Variants in SLIT2 observed in about 807,000 individuals in gnomAD.
SLIT2 encodes the protein slit homolog 2 protein.
In SLIT2, 41 loss-of-function variants were observed where a neutral mutation model predicts 185.7. That is an observed-to-expected ratio of 0.22 (90% CI 0.17 to 0.29). SLIT2 has a LOEUF of 0.29. Ranked by LOEUF, SLIT2 falls within the 10% of genes least tolerant of loss-of-function variation. The pLI is 1.00. For missense variants in SLIT2, 1,571 were observed against 1,909.0 expected (o/e 0.82, Z 3.30); for synonymous variants, 693 against 680.2 (o/e 1.02, Z -0.29).
At chr4:20,302,575 C>T (rs143691677) in intron 4 of SLIT2, among the ~76,000 whole-genome samples, 134 of 152,072 alleles carry the variant, frequency 8.8e-4, no homozygotes, top group African/African-American at 3.1e-3. Flanking sequence ...TGAGATAAAG[C>T]GTTCATGAGG....
At chr4:20,353,045 G>A (rs536014941) in intron 4 of SLIT2, among the ~76,000 whole-genome samples, 15 of 152,120 alleles carry the variant, frequency 9.9e-5, no homozygotes, top group Admixed American at 5.9e-4. Flanking sequence ...GCAGTATAAC[G>A]GAGAAGCATC....
intron 4 of SLIT2, among the ~76,000 whole-genome samples, chr4:20,373,365 C>A (rs1162632810): frequency 1.3e-5 from 2 of 151,936 alleles, no homozygotes; most frequent in African/African-American, 4.8e-5. Context: ...TGTATGAAAT[C>A]ATTTATAAAA....
chr4:20,604,442 C>T (rs747168379), intron 33 of SLIT2, among the ~76,000 whole-genome samples: 7 of 151,928 alleles, frequency 4.6e-5, no homozygotes, highest in Admixed American at 6.6e-5. Context: ...CTCTGCCACC[C>T]GGGTTCATGC....
At chr4:20,425,362 A>G (rs1332771481) in intron 4 of SLIT2, among the ~76,000 whole-genome samples, 1 of 152,114 alleles carries the variant, frequency 6.6e-6, no homozygotes, top group Non-Finnish European at 1.5e-5. Flanking sequence ...GCGAGACACT[A>G]TCAAAAAAAT....
chr4:20,288,304 G>A (rs924205675), intron 4 of SLIT2, among the ~76,000 whole-genome samples: 7 of 152,186 alleles, frequency 4.6e-5, no homozygotes, highest in Non-Finnish European at 2.9e-5. Flanking sequence ...GTGGATGGAC[G>A]CTCCTTACCT....
At chr4:20,595,531 A>G (rs1727906768) in intron 30 of SLIT2, among the ~76,000 whole-genome samples, 166 bp from the exon 31 acceptor site, 1 of 152,218 alleles carries the variant, frequency 6.6e-6, no homozygotes, top group African/African-American at 2.4e-5. Flanking sequence ...AACATGGAAC[A>G]TACTGCAGAA....
At position 20,253,940 on chromosome 4, in the gene SLIT2, A is replaced by G; in HGVS notation, c.125A>G (p.His42Arg). Residue 42 changes from histidine (H) to arginine (R), a missense_variant, in exon 1 of 37, where the codon CAC becomes CGC. Physicochemically the swap from His to Arg is conservative, Grantham distance 29. Transcript: ENST00000504154. ...TGCTCGGGCAGCACAGTGGACTGTC[A>G]CGGGCTGGCGCTGCGCAGCGTGCCC... Reference protein sequence around the residue: ...CSCSGSTVDCHGLALRSVPRN... With the variant: ...CSCSGSTVDCRGLALRSVPRN... 6.2e-7 allele frequency: 1 copy of G among 1,602,776 alleles called. No individual in the cohort carries two copies. Among genetic ancestry groups the G allele is most frequent in the African/African-American group, 1.3e-5 (1 of 74,956 alleles).
chr4:20,403,141 T>C (rs1726489177), intron 4 of SLIT2, among the ~76,000 whole-genome samples: 1 of 151,906 alleles, frequency 6.6e-6, no homozygotes, highest in Non-Finnish European at 1.5e-5. Context: ...AAAGAAATCA[T>C]ATTAATTTAA....
At chr4:20,485,714 G>T (rs1717159646) in intron 6 of SLIT2, among the ~76,000 whole-genome samples, 1 of 152,256 alleles carries the variant, frequency 6.6e-6, no homozygotes, top group Admixed American at 6.5e-5. Flanking sequence ...GTAAATAATA[G>T]TTATCAGGAC....
intron 4 of SLIT2, among the ~76,000 whole-genome samples, chr4:20,280,936 G>T (rs374789996): frequency 1.3e-5 from 2 of 151,344 alleles, no homozygotes; most frequent in Non-Finnish European, 1.5e-5. Context: ...GGGTTCAAGC[G>T]ATTCTCCTAC....
At chr4:20,302,599 A>T (rs1717160847) in intron 4 of SLIT2, among the ~76,000 whole-genome samples, 1 of 152,052 alleles carries the variant, frequency 6.6e-6, no homozygotes, top group Non-Finnish European at 1.5e-5. Context: ...GTGGGAGGAG[A>T]TGGCACTTGA....
rs567923163 is a variant in SLIT2, at chr4:20,380,407, G to A, written c.396-87345G>A. 2.6e-5 allele frequency among the ~76,000 whole-genome samples: 4 copies of A among 152,170 alleles called. No homozygotes were observed. The South Asian group carries it at 8.3e-4, about 32-fold the overall frequency. ...CATGCAATAAAAAATTACTAAACAT[G>A]CAAGGAAGCAGGAAATAAGACCCAT... On this transcript the variant is annotated intron_variant, in intron 4 of 36. Transcript: ENST00000504154.
chr4:20,446,346 G>A (rs185095202), intron 4 of SLIT2, among the ~76,000 whole-genome samples: 1 of 152,216 alleles, frequency 6.6e-6, no homozygotes, highest in Admixed American at 6.5e-5. Context: ...GTTCCCATCC[G>A]GCCTGAACAC....
At chr4:20,523,190 C>T (rs1378302489) in intron 12 of SLIT2, among the ~76,000 whole-genome samples, 3 of 152,088 alleles carry the variant, frequency 2.0e-5, no homozygotes, top group African/African-American at 7.2e-5. Context: ...GATTGGAGCT[C>T]AAACAGCCAG....
chr4:20,518,555 A>ATG (rs1411285170), intron 11 of SLIT2, among the ~76,000 whole-genome samples: 717 of 23,188 alleles, frequency 0.031, 90 homozygotes, highest in East Asian at 0.12. Context: ...CCCAGCCTAT[A>ATG]TGTATATATA....
chr4:20,444,186 C>T (rs1316228744), intron 4 of SLIT2, among the ~76,000 whole-genome samples: 2 of 151,952 alleles, frequency 1.3e-5, no homozygotes, highest in African/African-American at 4.8e-5. Flanking sequence ...TTCCTAGACT[C>T]GAGGCTAAGC....
chr4:20,347,026 A>G (rs1212703843), intron 4 of SLIT2, among the ~76,000 whole-genome samples: 1 of 152,220 alleles, frequency 6.6e-6, no homozygotes, highest in Non-Finnish European at 1.5e-5. Flanking sequence ...CAGTAACAAT[A>G]CTTTGCATCC....
chr4:20,550,506 A>T (rs953754674), intron 24 of SLIT2, among the ~76,000 whole-genome samples: 15 of 151,828 alleles, frequency 9.9e-5, no homozygotes, highest in Non-Finnish European at 1.3e-4. Flanking sequence ...CTTTTCCTTG[A>T]TGGTTTCTGG....
At chr4:20,510,240 G>A (rs945374380) in intron 9 of SLIT2, among the ~76,000 whole-genome samples, 1 of 151,982 alleles carries the variant, frequency 6.6e-6, no homozygotes, top group Non-Finnish European at 1.5e-5. Flanking sequence ...ACAAAGTCCA[G>A]ACTTAAATAT....
Sources: allele counts gnomAD v4.1 joint callset (sites outside exome capture counted in the v4.1 genomes callset), GRCh38; gene constraint gnomAD v4.1.1; transcripts MANE v1.5; gene names NCBI Gene and HGNC (gene_info 2026-07-23, HGNC 2026-07-21).